Variants in NEK11 observed in about 807,000 individuals in gnomAD.
NEK11 encodes the protein NIMA related kinase 11, also known as serine/threonine-protein kinase Nek11.
NEK11 carries 72 observed loss-of-function variants against 80.7 expected under a neutral mutation model. The observed-to-expected ratio is 0.89, with a 90% CI of 0.74 to 1.08. The LOEUF (loss-of-function observed/expected upper bound fraction) is 1.08. Ranked by LOEUF, NEK11 falls within the 50% of genes least tolerant of loss-of-function variation. The pLI, the probability that NEK11 is intolerant of heterozygous loss-of-function variation, is 0.00. For synonymous variants in NEK11, 251 were observed against 260.7 expected (o/e 0.96, Z 0.36); for missense variants, 764 against 763.6 (o/e 1.00, Z -0.01).
intron 16 of NEK11, among the ~76,000 whole-genome samples, chr3:131,267,171 G>A (rs1009820047): frequency 6.6e-6 from 1 of 152,268 alleles, no homozygotes; most frequent in East Asian, 1.9e-4. Context: ...TTTAATTGGG[G>A]CATTTAGCCC....
At chr3:131,342,732 G>GGTGT (rs138440625) in intron 17 of NEK11, among the ~76,000 whole-genome samples, 1 of 151,212 alleles carries the variant, frequency 6.6e-6, no homozygotes, top group East Asian at 1.9e-4. Flanking sequence ...CATGATAAGA[G>GGTGT]GTGTGTGTGT....
chr3:131,058,557 T>A (rs1307096229), intron 3 of NEK11, among the ~76,000 whole-genome samples: 1 of 152,128 alleles, frequency 6.6e-6, no homozygotes, highest in Non-Finnish European at 1.5e-5. Context: ...AAGCTGTGGG[T>A]GTAATATCTA....
At chr3:131,118,579 T>G (rs2081741921) in intron 5 of NEK11, among the ~76,000 whole-genome samples, 1 of 152,206 alleles carries the variant, frequency 6.6e-6, no homozygotes, top group South Asian at 2.1e-4. Context: ...CTGGTAGAAT[T>G]CGGCTGTGAA....
At chr3:131,171,036 G>A in intron 14 of NEK11, 149 bp downstream of exon 14, 1 of 686,870 alleles carries the variant, frequency 1.5e-6, no homozygotes, top group Non-Finnish European at 2.6e-6. Context: ...CTATGACCAG[G>A]ATGAAAAGTA....
intron 17 of NEK11, among the ~76,000 whole-genome samples, chr3:131,344,072 T>C (rs1470608779): frequency 7.9e-5 from 12 of 152,236 alleles, no homozygotes; most frequent in Admixed American, 6.5e-4. Flanking sequence ...TTTCCAAACT[T>C]TTATGCTATC....
intron 10 of NEK11, among the ~76,000 whole-genome samples, chr3:131,157,556 C>T (rs2090883548): frequency 6.6e-6 from 1 of 152,114 alleles, no homozygotes; most frequent in African/African-American, 2.4e-5. Context: ...AGGTAGGGGA[C>T]AAGATGCCCT....
chr3:131,208,123 A>G (rs1470471297), intron 14 of NEK11, among the ~76,000 whole-genome samples: 1 of 152,190 alleles, frequency 6.6e-6, no homozygotes, highest in Admixed American at 6.5e-5. Context: ...TCTTTAATCC[A>G]TCTTGCATTA....
chr3:131,123,386 C>T (rs1321045583), intron 5 of NEK11, among the ~76,000 whole-genome samples: 6 of 152,016 alleles, frequency 3.9e-5, no homozygotes, highest in Admixed American at 2.0e-4. Context: ...AGGCTGGTCT[C>T]GAACTCCTGA....
chr3:131,203,582 A>T (rs1383433599), intron 14 of NEK11, among the ~76,000 whole-genome samples: 10 of 150,646 alleles, frequency 6.6e-5, no homozygotes, highest in East Asian at 5.8e-4. Context: ...AGTATAATAA[A>T]AAAAAAAAAG....
chr3:131,279,820 A>G (rs2096366640), intron 17 of NEK11, among the ~76,000 whole-genome samples: 1 of 152,200 alleles, frequency 6.6e-6, no homozygotes, highest in Admixed American at 6.5e-5. Flanking sequence ...GAACTGTCAC[A>G]AGGAGACTCA....
intron 17 of NEK11, chr3:131,329,624 T>C (rs1380353899): frequency 1.3e-5 from 2 of 152,106 alleles, no homozygotes; most frequent in African/African-American, 2.4e-5. Context: ...GTACAGAATA[T>C]TGGTAAAGAC....
chr3:131,151,146 A>T (rs549216217), intron 7 of NEK11, among the ~76,000 whole-genome samples: 2 of 152,188 alleles, frequency 1.3e-5, no homozygotes, highest in African/African-American at 4.8e-5. Flanking sequence ...ATTTGGAAAG[A>T]TAAATGCCTT....
chr3:131,120,807 G>T (rs143654897), intron 5 of NEK11, among the ~76,000 whole-genome samples: 1 of 152,050 alleles, frequency 6.6e-6, no homozygotes, highest in African/African-American at 2.4e-5. Context: ...CATAGTTCTC[G>T]TGCCATGGTT....
At chr3:131,105,971 C>T (rs1217859390) in intron 4 of NEK11, among the ~76,000 whole-genome samples, 1 of 152,146 alleles carries the variant, frequency 6.6e-6, no homozygotes, top group African/African-American at 2.4e-5. Context: ...CACATCTTAC[C>T]TATATTGTAT....
At chr3:131,070,462 A>G (rs750407657) in intron 3 of NEK11, among the ~76,000 whole-genome samples, 1 of 152,150 alleles carries the variant, frequency 6.6e-6, no homozygotes, top group Non-Finnish European at 1.5e-5. Flanking sequence ...CCTCTTCTGT[A>G]TGATGTCTTT....
At chr3:131,088,227 A>C (rs2076270636) in intron 4 of NEK11, 1 of 152,154 alleles carries the variant, frequency 6.6e-6, no homozygotes, top group South Asian at 2.1e-4. Context: ...AAATAATACG[A>C]GTGTCTAATG....
intron 5 of NEK11, among the ~76,000 whole-genome samples, chr3:131,117,373 C>T (rs1187597135): frequency 6.6e-6 from 1 of 152,196 alleles, no homozygotes; most frequent in Non-Finnish European, 1.5e-5. Context: ...GTTTTGGTTA[C>T]TGTAGCCTTG....
At chr3:131,333,149 C>G (rs1393289308) in intron 17 of NEK11, among the ~76,000 whole-genome samples, 4 of 152,058 alleles carry the variant, frequency 2.6e-5, no homozygotes, top group Non-Finnish European at 4.4e-5. Flanking sequence ...AAGAGCAACT[C>G]CAAGACACAT....
intron 14 of NEK11, among the ~76,000 whole-genome samples, chr3:131,195,203 G>T (rs1338110544): frequency 6.6e-6 from 1 of 152,132 alleles, no homozygotes; most frequent in Non-Finnish European, 1.5e-5. Flanking sequence ...ATATACAACA[G>T]AAAAACTTTC....
Sources: gnomAD v4.1 joint callset for allele counts (sites outside exome capture counted in the v4.1 genomes callset) on GRCh38, gnomAD v4.1.1 for gene constraint, MANE v1.5 for transcripts, NCBI Gene and HGNC (gene_info 2026-07-23, HGNC 2026-07-21) for gene names.